The following GATAD2A variants were observed in gnomAD, a reference collection of about 807,000 sequenced individuals.
The protein encoded by GATAD2A is transcriptional repressor p66-alpha.
GATAD2A carries 12 observed loss-of-function variants against 68.5 expected under a neutral mutation model. The observed-to-expected ratio is 0.18, with a 90% CI of 0.11 to 0.28. The LOEUF is 0.28. GATAD2A is among the 10% of genes least tolerant of loss of function. The probability of loss-of-function intolerance (pLI) is 1.00; values close to 1 mark genes in which losing one functional copy is unlikely to be tolerated. For synonymous variants in GATAD2A, 410 were observed against 375.3 expected, an observed-to-expected ratio of 1.09 and a Z score of -1.07; for missense variants, 755 against 868.5, an observed-to-expected ratio of 0.87 and a Z score of 1.64.
chr19:19,499,534 C>T (rs927249943), intron 8 of GATAD2A, among the ~76,000 whole-genome samples: 7 of 152,042 alleles, frequency 4.6e-5, no homozygotes, highest in South Asian at 2.1e-4. Context: ...GCACCTCCCG[C>T]GCACTGCCCA....
upstream of GATAD2A, among the ~76,000 whole-genome samples, chr19:19,405,266 C>T (rs945329544): frequency 2.6e-5 from 4 of 152,334 alleles, no homozygotes; most frequent in Admixed American, 6.5e-5. Context: ...CCGAAGTTCC[C>T]AGAGAAGAGC....
At chr19:19,479,215 T>C (rs558369758) in intron 2 of GATAD2A, among the ~76,000 whole-genome samples, 1 of 152,362 alleles carries the variant, frequency 6.6e-6, no homozygotes, top group South Asian at 2.1e-4. Context: ...TTAAAATCCG[T>C]GGGACTCTTT....
intron 1 of GATAD2A, among the ~76,000 whole-genome samples, chr19:19,412,913 T>C (rs1391962527): frequency 6.6e-6 from 1 of 152,186 alleles, no homozygotes; most frequent in Admixed American, 6.5e-5. Flanking sequence ...GTTGGGTTTA[T>C]CAGAGGTAAC....
chr19:19,474,400 G>A (rs1253880494), intron 2 of GATAD2A, among the ~76,000 whole-genome samples: 1 of 152,132 alleles, frequency 6.6e-6, no homozygotes, highest in Non-Finnish European at 1.5e-5. Flanking sequence ...GGGCCCTCAC[G>A]CACTCCCAGC....
chr19:19,404,910 TGTG>T (rs2050052183), upstream of GATAD2A, among the ~76,000 whole-genome samples: 1 of 152,198 alleles, frequency 6.6e-6, no homozygotes, highest in Non-Finnish European at 1.5e-5. Context: ...AGAGCCTTCT[TGTG>T]GTAGATTTTC....
chr19:19,430,432 G>A (rs1419984861), intron 1 of GATAD2A, among the ~76,000 whole-genome samples: 1 of 152,224 alleles, frequency 6.6e-6, no homozygotes, highest in African/African-American at 2.4e-5. Context: ...AGTTTGTGCA[G>A]GACCTAGGAG....
intron 1 of GATAD2A, among the ~76,000 whole-genome samples, chr19:19,419,175 TC>T (rs200790564): frequency 0.023 from 3,447 of 152,330 alleles, 77 homozygotes; most frequent in Admixed American, 0.056. Flanking sequence ...CTGCACACAC[TC>T]CCTGTCGAGG....
At chr19:19,439,592 A>G (rs1264991354) in intron 1 of GATAD2A, among the ~76,000 whole-genome samples, 1 of 152,156 alleles carries the variant, frequency 6.6e-6, no homozygotes, top group Non-Finnish European at 1.5e-5. Context: ...TCACTCCTGT[A>G]ATCCCAGCAC....
intron 5 of GATAD2A, 108 bp from the exon 6 acceptor site, chr19:19,495,646 A>AAC: frequency 2.9e-6 from 3 of 1,027,258 alleles, no homozygotes; most frequent in Admixed American, 3.1e-5. Flanking sequence ...AAAAAAAAAA[A>AAC]AAAAAAAAAC....
rs1342954528 is a variant in GATAD2A at position 19,506,175 on chromosome 19, C to T, written c.*701C>T. On this transcript the variant is annotated 3_prime_UTR_variant, in exon 12 of 12. Coordinates refer to ENST00000683918, the MANE Select transcript of GATAD2A (RefSeq NM_001384528.1). ...ATGCAGGGATGGCCGAGGCAGCCCT[C>T]GCTCCAGCTGAACGCCTCCATTGCT... 2 of 398,630 alleles carry T rather than the reference C, an allele frequency of 5.0e-6. No individual in the cohort carries two copies. The highest frequency in any genetic ancestry group is 8.9e-6 in the Non-Finnish European group (2 of 225,954). The allele number at this position is 398,630 out of a possible 1,614,324, so 24.7% of individuals were successfully genotyped here.
intron 2 of GATAD2A, among the ~76,000 whole-genome samples, chr19:19,480,141 C>T (rs1378195544): frequency 6.6e-6 from 1 of 152,174 alleles, no homozygotes; most frequent in African/African-American, 2.4e-5. Flanking sequence ...GACTCATGCT[C>T]ACCTCTTCAA....
At chr19:19,456,837 G>A (rs2147902378) in intron 1 of GATAD2A, among the ~76,000 whole-genome samples, 1 of 152,248 alleles carries the variant, frequency 6.6e-6, no homozygotes, top group East Asian at 1.9e-4. Context: ...TGGTTGATGG[G>A]GCCTTCTGAT....
intron 1 of GATAD2A, among the ~76,000 whole-genome samples, chr19:19,453,973 G>GTT (rs545327856): frequency 0.03 from 3,925 of 132,276 alleles, 116 homozygotes; most frequent in South Asian, 0.084. Context: ...AATTTTTTGT[G>GTT]TTTTTTTTTT....
At chr19:19,397,227 A>G (rs1237712174) in intron 1 of GATAD2A, among the ~76,000 whole-genome samples, 2 of 152,170 alleles carry the variant, frequency 1.3e-5, no homozygotes, top group Non-Finnish European at 2.9e-5. Context: ...ATTAAACTCA[A>G]AATAGTATTT....
chr19:19,390,059 C>A (rs1052966045), intron 1 of GATAD2A, among the ~76,000 whole-genome samples: 1 of 152,126 alleles, frequency 6.6e-6, no homozygotes, highest in Non-Finnish European at 1.5e-5. Context: ...CCACTGTGAC[C>A]GACCTATTAT....
At position 19,492,363 on chromosome 19, in the gene GATAD2A, C is replaced by T. The variant is rs769658776; in HGVS notation, c.327C>T (p.Asn109=). Residue 109 remains asparagine (N), a synonymous_variant, in exon 3 of 12, where the codon AAC becomes AAT. Transcript: ENST00000683918. The stretch of plus-strand genomic sequence containing the variant: ...CTGACGTGATTGTGCTCTCCGACAA[C>T]GAGCAGCCCTCGAGCCCGAGAGTGA... The part of the protein sequence containing the change: ...PSPDVIVLSD[N]EQPSSPRVNG... 5 of 1,612,266 alleles carry T rather than the reference C, an allele frequency of 3.1e-6. No homozygotes were observed. The highest frequency in any genetic ancestry group is 1.7e-5 in the Admixed American group (1 of 59,750).
At chr19:19,396,149 T>C (rs1460653112) in intron 1 of GATAD2A, among the ~76,000 whole-genome samples, 1 of 152,064 alleles carries the variant, frequency 6.6e-6, no homozygotes, top group Non-Finnish European at 1.5e-5. Flanking sequence ...AGTGAAACCC[T>C]GTCTGTACTG....
rs544441214 is a variant in GATAD2A, at chr19:19,454,730, C to G, written c.-6-10610C>G. Among the ~76,000 whole-genome samples the G allele has an allele frequency of 2.9e-4, 34 of 118,438 alleles. 1 individual carries two copies. The highest frequency in any genetic ancestry group is 1.5e-3 in the South Asian group (5 of 3,240). The allele number at this position is 118,438 out of a possible 152,430, so 77.7% of individuals were successfully genotyped here. ...GGATTACAGGTGTGAGCCACTGTGC[C>G]CCCCCCCACCCCCTTAGGTTTCTGT... On this transcript the variant is annotated intron_variant, in intron 1 of 11. Transcript: ENST00000683918.
At chr19:19,488,333 T>A (rs2059578216) in intron 2 of GATAD2A, among the ~76,000 whole-genome samples, 1 of 152,224 alleles carries the variant, frequency 6.6e-6, no homozygotes, top group Non-Finnish European at 1.5e-5. Flanking sequence ...CCCCACTGCC[T>A]GCTATAGCAC....
Sources: gnomAD v4.1 joint callset for allele counts (sites outside exome capture counted in the v4.1 genomes callset) on GRCh38, gnomAD v4.1.1 for gene constraint, MANE v1.5 for transcripts, NCBI Gene and HGNC (gene_info 2026-07-23, HGNC 2026-07-21) for gene names.